PCCA: variants seen among roughly 807,000 people sequenced by gnomAD.
The protein encoded by PCCA is propionyl-CoA carboxylase alpha chain, mitochondrial.
In PCCA, 74 loss-of-function variants were observed where a neutral mutation model predicts 101.3. The observed-to-expected ratio is 0.73, with a 90% confidence interval of 0.61 to 0.89. PCCA has a LOEUF of 0.89. Ranked by LOEUF, PCCA falls within the 40% of genes least tolerant of loss-of-function variation. PCCA has a pLI of 0.00. For synonymous variants in PCCA, 294 were observed against 313.6 expected (o/e 0.94, Z 0.66); for missense variants, 891 against 907.0 (o/e 0.98, Z 0.23).
intron 6 of PCCA, among the ~76,000 whole-genome samples, chr13:100,184,759 C>T (rs941336704): frequency 2.0e-5 from 3 of 152,064 alleles, no homozygotes; most frequent in African/African-American, 4.8e-5. Context: ...TAACATGTCA[C>T]GAAGTATTAC....
At chr13:100,365,085 C>T (rs991266668) in intron 18 of PCCA, among the ~76,000 whole-genome samples, 2 of 152,308 alleles carry the variant, frequency 1.3e-5, no homozygotes, top group South Asian at 4.1e-4. Context: ...AAAAGTGCCA[C>T]TGCAGGAGTT....
intron 2 of PCCA, 71 bp from the exon 3 acceptor site, chr13:100,111,770 G>GGTGTTT: frequency 1.1e-6 from 1 of 938,270 alleles, no homozygotes; most frequent in Middle Eastern, 3.1e-4. Flanking sequence ...GGAAAAACTT[G>GGTGTTT]GTGTTTTTTG....
intron 6 of PCCA, chr13:100,160,910 G>A (rs2054398522): frequency 6.6e-6 from 1 of 152,036 alleles, no homozygotes; most frequent in South Asian, 2.1e-4. Context: ...CATAGCATAA[G>A]TTATAGTAAT....
chr13:100,135,790 T>C (rs1271595308), intron 4 of PCCA, among the ~76,000 whole-genome samples: 6 of 152,138 alleles, frequency 3.9e-5, no homozygotes, highest in Non-Finnish European at 5.9e-5. Flanking sequence ...GTATTAGCTG[T>C]GGGTTTTTTG....
intron 6 of PCCA, among the ~76,000 whole-genome samples, chr13:100,169,742 C>T (rs1257800662): frequency 1.3e-5 from 2 of 150,442 alleles, no homozygotes; most frequent in East Asian, 4.0e-4. Flanking sequence ...CTCTTGTTGC[C>T]CAGCTGGAGT....
At chr13:100,292,189 T>A (rs2065176100) in intron 12 of PCCA, among the ~76,000 whole-genome samples, 1 of 152,188 alleles carries the variant, frequency 6.6e-6, no homozygotes, top group Non-Finnish European at 1.5e-5. Context: ...GATATATAGT[T>A]TTTTAGTGAG....
chr13:100,150,025 T>C (rs1003459631), intron 4 of PCCA, among the ~76,000 whole-genome samples: 1 of 151,954 alleles, frequency 6.6e-6, no homozygotes, highest in Non-Finnish European at 1.5e-5. Context: ...AATGCAGGCA[T>C]AATTCCCCCC....
At chr13:100,382,573 T>C (rs1215680264) in intron 19 of PCCA, among the ~76,000 whole-genome samples, 1 of 152,208 alleles carries the variant, frequency 6.6e-6, no homozygotes, top group Non-Finnish European at 1.5e-5. Flanking sequence ...TCTATCATTG[T>C]ATCAATATCA....
intron 4 of PCCA, among the ~76,000 whole-genome samples, chr13:100,118,837 C>A (rs2049082276): frequency 6.6e-6 from 1 of 152,112 alleles, no homozygotes; most frequent in African/African-American, 2.4e-5. Context: ...GCGTGAGCCA[C>A]CGTACCCCAG....
intron 8 of PCCA, among the ~76,000 whole-genome samples, chr13:100,240,499 A>T (rs1044944745): frequency 6.6e-6 from 1 of 152,054 alleles, no homozygotes; most frequent in Non-Finnish European, 1.5e-5. Context: ...TGTCTTCAAG[A>T]GAAGATTCTC....
At chr13:100,101,375 T>G (rs1278607342) in intron 1 of PCCA, among the ~76,000 whole-genome samples, 1 of 152,168 alleles carries the variant, frequency 6.6e-6, no homozygotes, top group African/African-American at 2.4e-5. Flanking sequence ...GGACTCAACT[T>G]TGTCATAAAA....
intron 19 of PCCA, among the ~76,000 whole-genome samples, chr13:100,418,605 C>T (rs977789802): frequency 1.3e-5 from 2 of 152,064 alleles, no homozygotes; most frequent in Non-Finnish European, 2.9e-5. Flanking sequence ...CTTTGGGAGG[C>T]CGAGGTGGGC....
chr13:100,306,987 C>T (rs555561824), intron 14 of PCCA, among the ~76,000 whole-genome samples: 5 of 152,186 alleles, frequency 3.3e-5, no homozygotes, highest in East Asian at 1.9e-4. Context: ...TTTTTAGTTT[C>T]GTCATTCAGT....
chr13:100,271,499 G>A (rs1378430779), intron 11 of PCCA, among the ~76,000 whole-genome samples: 1 of 152,048 alleles, frequency 6.6e-6, no homozygotes, highest in Non-Finnish European at 1.5e-5. Flanking sequence ...GGGGTTGCAT[G>A]CAGTTGAACC....
intron 21 of PCCA, among the ~76,000 whole-genome samples, chr13:100,464,770 C>T (rs2082392006): frequency 6.6e-6 from 1 of 152,134 alleles, no homozygotes. Context: ...TGCGAATCAC[C>T]AACACCAAAC....
Position 100,353,712 on chromosome 13 carries a change from G to A in PCCA, c.1643+13453G>A, listed in dbSNP as rs1053507475. 7.2e-5 allele frequency among the ~76,000 whole-genome samples: 11 copies of A among 152,174 alleles called. No homozygotes were observed. The East Asian group carries it at 1.9e-3, about 27-fold the overall frequency. ...TTACATTTGTAATCCTAGCACTTTGGGAGGCTGAGACGAGCAGATTGTTTG... is the reference window on the plus strand; with the variant it reads ...TTACATTTGTAATCCTAGCACTTTGAGAGGCTGAGACGAGCAGATTGTTTG... On this transcript the variant is annotated intron_variant, in intron 18 of 23. Coordinates refer to ENST00000376285, the MANE Select transcript of PCCA (RefSeq NM_000282.4).
chr13:100,521,278 G>A (rs1302944409), intron 22 of PCCA, among the ~76,000 whole-genome samples: 2 of 152,230 alleles, frequency 1.3e-5, no homozygotes, highest in African/African-American at 4.8e-5. Context: ...CCACTTGAGA[G>A]ACAAGGGGAG....
intron 8 of PCCA, among the ~76,000 whole-genome samples, chr13:100,249,599 G>T (rs76174585): frequency 0.027 from 4,174 of 152,150 alleles, 197 homozygotes; most frequent in African/African-American, 0.092. Flanking sequence ...ATCAGTTTGT[G>T]GATATCTACA....
chr13:100,469,668 C>T (rs1186337639), intron 21 of PCCA, among the ~76,000 whole-genome samples: 7 of 151,616 alleles, frequency 4.6e-5, no homozygotes, highest in Admixed American at 1.3e-4. Context: ...CTCAGCTACT[C>T]ACTCGGGAGG....
Sources: gnomAD v4.1 joint callset for allele counts (sites outside exome capture counted in the v4.1 genomes callset) on GRCh38, gnomAD v4.1.1 for gene constraint, MANE v1.5 for transcripts, NCBI Gene and HGNC (gene_info 2026-07-23, HGNC 2026-07-21) for gene names.